Variants in PALLD observed in about 807,000 individuals in gnomAD.
PALLD encodes palladin, cytoskeletal associated protein.
In PALLD, 61 loss-of-function variants were observed where a neutral mutation model predicts 123.5. That is an observed-to-expected ratio of 0.49 (90% CI 0.40 to 0.61). The LOEUF (loss-of-function observed/expected upper bound fraction) is 0.61. Ranked by LOEUF, PALLD falls within the 20% of genes least tolerant of loss-of-function variation. The pLI is 0.00. For synonymous variants in PALLD, 465 were observed against 496.4 expected (o/e 0.94, Z 0.84); for missense variants, 1,273 against 1,377.0 (o/e 0.92, Z 1.20).
intron 9 of PALLD, among the ~76,000 whole-genome samples, chr4:168,710,784 AAAC>A (rs1388404114): frequency 6.6e-6 from 1 of 152,220 alleles, no homozygotes; most frequent in Non-Finnish European, 1.5e-5. Context: ...TGCAGTGTTT[AAAC>A]AATATGGCCA....
At chr4:168,517,227 G>C (rs1366860594) in intron 2 of PALLD, among the ~76,000 whole-genome samples, 1 of 152,042 alleles carries the variant, frequency 6.6e-6, no homozygotes, top group African/African-American at 2.4e-5. Flanking sequence ...TTATCTACAA[G>C]TAGTCCAAAC....
chr4:168,780,058 C>T lies in PALLD; in HGVS notation c.1964+68135C>T, dbSNP rs148497115. On this transcript the variant is annotated intron_variant, in intron 10 of 21. Transcript: ENST00000505667. ...GGATTACAGGTGTGTGCCACCATGC[C>T]CGACTAATTTTGGTATTTTTGGTAG... 6.1e-3 allele frequency among the ~76,000 whole-genome samples: 923 copies of T among 152,146 alleles called. 4 individuals carry two copies. Among genetic ancestry groups the T allele is most frequent in the Middle Eastern group, 0.031 (9 of 292 alleles).
intron 2 of PALLD, among the ~76,000 whole-genome samples, chr4:168,587,667 C>T (rs1030218634): frequency 2.6e-5 from 4 of 152,128 alleles, no homozygotes; most frequent in African/African-American, 9.7e-5. Context: ...TTTCCCTATT[C>T]TACCTCTCCC....
intron 1 of PALLD, among the ~76,000 whole-genome samples, chr4:168,497,875 T>C (rs1430868881): frequency 1.3e-5 from 2 of 152,218 alleles, no homozygotes; most frequent in African/African-American, 4.8e-5. Flanking sequence ...GAAATTGTCT[T>C]GAATCCAATA....
chr4:168,608,608 C>T (rs1233360317), intron 2 of PALLD, among the ~76,000 whole-genome samples: 3 of 152,182 alleles, frequency 2.0e-5, no homozygotes, highest in Non-Finnish European at 4.4e-5. Flanking sequence ...TCTTCTTCCT[C>T]CCCACAAACT....
chr4:168,690,285 A>G (rs1782494198), intron 6 of PALLD, among the ~76,000 whole-genome samples: 2 of 152,362 alleles, frequency 1.3e-5, no homozygotes, highest in South Asian at 4.1e-4. Context: ...AGATAAAGAA[A>G]GTTAACATTG....
intron 1 of PALLD, among the ~76,000 whole-genome samples, chr4:168,499,220 AAAGG>A (rs1199655167): frequency 2.6e-4 from 28 of 109,454 alleles, no homozygotes; most frequent in Non-Finnish European, 4.8e-4. Context: ...AGGAAGAAAG[AAAGG>A]GAGACGGGGA....
intron 2 of PALLD, among the ~76,000 whole-genome samples, chr4:168,561,473 C>G (rs527553210): frequency 9.2e-5 from 14 of 152,192 alleles, no homozygotes; most frequent in South Asian, 2.1e-4. Context: ...AGGGGTCTTG[C>G]TATATTGACT....
intron 10 of PALLD, among the ~76,000 whole-genome samples, chr4:168,889,893 T>C (rs1753915087): frequency 6.6e-6 from 1 of 152,348 alleles, no homozygotes; most frequent in Non-Finnish European, 1.5e-5. Flanking sequence ...GAACCACTGC[T>C]GTAGCAGGGG....
Position 168,714,839 on chromosome 4 carries a change from AAAG to A in PALLD, c.1964+2921_1964+2923del, listed in dbSNP as rs530046074. 3.9e-3 allele frequency among the ~76,000 whole-genome samples: 587 copies of A among 152,038 alleles called. 8 individuals are homozygous for A. The highest frequency in any genetic ancestry group is 0.033 in the South Asian group (160 of 4,798). ...GTCTGATGTGTCAGATGTCTGGGGG[AAAG>A]AAGATCATTTTCAAAAAAAAAAAGA... On this transcript the variant is annotated intron_variant, in intron 10 of 21. Transcript: ENST00000505667.
chr4:168,691,344 T>C (rs1430557536), intron 8 of PALLD, 52 bp downstream of exon 8: 10 of 1,454,218 alleles, frequency 6.9e-6, no homozygotes, highest in Non-Finnish European at 9.6e-6. Context: ...GCAGATAATG[T>C]ATCTTTTGGG....
intron 10 of PALLD, among the ~76,000 whole-genome samples, chr4:168,804,615 G>A (rs561509904): frequency 6.6e-6 from 1 of 152,308 alleles, no homozygotes; most frequent in South Asian, 2.1e-4. Flanking sequence ...CAGTTAAACA[G>A]TTGCAAAGAC....
chr4:168,911,970 T>C (rs181814946), intron 15 of PALLD, among the ~76,000 whole-genome samples: 1 of 152,278 alleles, frequency 6.6e-6, no homozygotes, highest in East Asian at 1.9e-4. Flanking sequence ...CTGTCTGTAT[T>C]ACATTCCTAT....
intron 10 of PALLD, among the ~76,000 whole-genome samples, chr4:168,821,865 GC>G (rs1190932223): frequency 7.7e-6 from 1 of 130,110 alleles, no homozygotes; most frequent in Non-Finnish European, 1.6e-5. Context: ...GGGCAACAGA[GC>G]AAAACGCTGT....
In PALLD at chr4:168,637,943, C is replaced by CAAAA. The variant is rs11416996; in HGVS notation, c.909-30225_909-30222dup. Among the ~76,000 whole-genome samples, 424 of 60,326 alleles carry CAAAA rather than the reference C, an allele frequency of 7.0e-3. 12 individuals are homozygous for CAAAA. Among genetic ancestry groups the CAAAA allele is most frequent in the African/African-American group, 0.023 (313 of 13,598 alleles). 39.6% of individuals were successfully genotyped at this position (60,326 alleles called of 152,430 possible). A position where few individuals can be genotyped will look rare whatever the true frequency, so the allele number is the denominator to read the frequency against. ...TGAGCAACAGAGGGAGAATACATCTCAAAAAAAAAAAAAAAAAAAAAAAAA... is the reference window on the plus strand; with the variant it reads ...TGAGCAACAGAGGGAGAATACATCTCAAAAAAAAAAAAAAAAAAAAAAAAAAAAA... On this transcript the variant is annotated intron_variant, in intron 2 of 21. Coordinates refer to ENST00000505667, the MANE Select transcript of PALLD (RefSeq NM_001166108.2).
intron 10 of PALLD, among the ~76,000 whole-genome samples, chr4:168,819,083 G>A (rs1268261503): frequency 6.6e-6 from 1 of 152,128 alleles, no homozygotes; most frequent in East Asian, 1.9e-4. Context: ...AAGAACTGAG[G>A]CTTCAGAGTT....
At chr4:168,499,942 T>G (rs188224082) in intron 1 of PALLD, among the ~76,000 whole-genome samples, 2 of 152,310 alleles carry the variant, frequency 1.3e-5, no homozygotes, top group Non-Finnish European at 2.9e-5. Context: ...AGTTTTCCCC[T>G]TATCTAAATT....
chr4:168,788,197 C>T (rs1428151624), intron 10 of PALLD, among the ~76,000 whole-genome samples: 1 of 151,254 alleles, frequency 6.6e-6, no homozygotes, highest in Non-Finnish European at 1.5e-5. Flanking sequence ...TAAATCACAA[C>T]CCAGGAATTT....
At chr4:168,675,116 T>C (rs1478077930) in intron 3 of PALLD, among the ~76,000 whole-genome samples, 1 of 152,224 alleles carries the variant, frequency 6.6e-6, no homozygotes, top group Non-Finnish European at 1.5e-5. Context: ...CCCCTGTGAT[T>C]GTAAAATGAA....
Sources: allele counts gnomAD v4.1 joint callset (sites outside exome capture counted in the v4.1 genomes callset), GRCh38; gene constraint gnomAD v4.1.1; transcripts MANE v1.5; gene names NCBI Gene and HGNC (gene_info 2026-07-23, HGNC 2026-07-21).